ADGRV1: variants seen among roughly 807,000 people sequenced by gnomAD.
The protein encoded by ADGRV1 is adhesion G protein-coupled receptor V1, also known as G-protein coupled receptor 98.
In ADGRV1, 359 loss-of-function variants were observed where a neutral mutation model predicts 596.2. That is an observed-to-expected ratio of 0.60 (90% CI 0.55 to 0.66). ADGRV1 has a LOEUF of 0.66. ADGRV1 is among the 30% of genes least tolerant of loss of function. The pLI is 0.00. For missense variants in ADGRV1, 7,274 were observed against 7,575.6 expected (o/e 0.96, Z 1.48); for synonymous variants, 2,681 against 2,679.2 (o/e 1.00, Z -0.02).
At chr5:90,760,920 C>G (rs1055909841) in intron 58 of ADGRV1, among the ~76,000 whole-genome samples, 1 of 152,174 alleles carries the variant, frequency 6.6e-6, no homozygotes, top group East Asian at 1.9e-4. Context: ...ATAACTATGA[C>G]ATAATATTAT....
chr5:90,598,179 C>T (rs1331941695), intron 1 of ADGRV1, among the ~76,000 whole-genome samples: 1 of 152,172 alleles, frequency 6.6e-6, no homozygotes, highest in Non-Finnish European at 1.5e-5. Context: ...TGATTTTCGT[C>T]ATGTTTACTG....
chr5:90,714,215 A>G (rs574169179), intron 42 of ADGRV1, among the ~76,000 whole-genome samples: 3 of 151,190 alleles, frequency 2.0e-5, no homozygotes, highest in African/African-American at 7.3e-5. Flanking sequence ...TGGTTGTATT[A>G]TACATTATTG....
intron 83 of ADGRV1, among the ~76,000 whole-genome samples, chr5:90,880,181 C>A (rs914924292): frequency 1.3e-5 from 2 of 152,104 alleles, no homozygotes; most frequent in African/African-American, 4.8e-5. Flanking sequence ...AAACTTAAAT[C>A]TGCTCATGAT....
At chr5:91,161,399 C>A (rs1040114216) in intron 89 of ADGRV1, among the ~76,000 whole-genome samples, 3 of 152,036 alleles carry the variant, frequency 2.0e-5, no homozygotes, top group African/African-American at 7.2e-5. Flanking sequence ...CAGAGACAAA[C>A]TGAAGGACTG....
intron 66 of ADGRV1, 119 bp downstream of exon 66, chr5:90,783,444 A>AGG (rs1414151998): frequency 1.3e-6 from 1 of 746,232 alleles, no homozygotes; most frequent in Admixed American, 2.2e-5. Flanking sequence ...GGAAAACAAC[A>AGG]GGTGAAATAC....
chr5:90,944,796 G>A (rs1314078884), intron 83 of ADGRV1, among the ~76,000 whole-genome samples: 6 of 152,156 alleles, frequency 3.9e-5, no homozygotes, highest in Non-Finnish European at 7.4e-5. Flanking sequence ...ACTTTTCACA[G>A]TACAGTGTTG....
chr5:90,599,777 A>G (rs1761176209), intron 1 of ADGRV1, among the ~76,000 whole-genome samples: 1 of 152,210 alleles, frequency 6.6e-6, no homozygotes. Flanking sequence ...GAGAAATAAT[A>G]CTGTAAAGTC....
intron 84 of ADGRV1, among the ~76,000 whole-genome samples, chr5:90,967,080 C>G (rs1301096857): frequency 6.6e-6 from 1 of 152,026 alleles, no homozygotes; most frequent in Non-Finnish European, 1.5e-5. Context: ...CACACAGGCT[C>G]AAGGAAGGGT....
At chr5:91,112,874 T>C (rs997971226) in intron 87 of ADGRV1, among the ~76,000 whole-genome samples, 1 of 152,158 alleles carries the variant, frequency 6.6e-6, no homozygotes, top group Non-Finnish European at 1.5e-5. Context: ...TGTAAAAATA[T>C]ATGTGTATAA....
chr5:90,896,403 T>C lies in ADGRV1; in HGVS notation c.17856+32546T>C, dbSNP rs1208416906. 2.7e-5 allele frequency among the ~76,000 whole-genome samples: 4 copies of C among 149,692 alleles called. No individual in the cohort carries two copies. The South Asian group carries it at 8.6e-4, about 32-fold the overall frequency. ...CTCCCACCTCAGCCTCCCAAGTAGGTGGGACTACAGGCATTTTCCACCATG... is the reference window on the plus strand; with the variant it reads ...CTCCCACCTCAGCCTCCCAAGTAGGCGGGACTACAGGCATTTTCCACCATG... On this transcript the variant is annotated intron_variant, in intron 83 of 89. Transcript: ENST00000405460.
chr5:90,660,916 T>A (rs534296134), intron 21 of ADGRV1, among the ~76,000 whole-genome samples: 2 of 152,272 alleles, frequency 1.3e-5, no homozygotes, highest in African/African-American at 4.8e-5. Context: ...ATTCTGTGAT[T>A]TGTTTTCTAC....
In ADGRV1 at chr5:90,778,500, T is replaced by C; in HGVS notation, c.12740T>C (p.Val4247Ala). 6.2e-7 allele frequency: 1 copy of C among 1,612,154 alleles called. No individual in the cohort carries two copies. The highest frequency in any genetic ancestry group is 8.5e-7 in the Non-Finnish European group (1 of 1,179,218). Residue 4247 changes from valine (V) to alanine (A), a missense_variant, in exon 63 of 90, where the codon GTT (valine) becomes GCT (alanine). By Grantham distance (64) the Val-to-Ala change is moderately conservative. Coordinates refer to ENST00000405460, the MANE Select transcript of ADGRV1 (RefSeq NM_032119.4). ...FQLTAVSEGG[V>A]LSESSSTANI... Reference sequence around the variant, plus strand: ...CTCACTGCAGTCAGTGAGGGAGGAGTTCTGAGTGAATCCAGCAGCACTGCC... The same window carrying C: ...CTCACTGCAGTCAGTGAGGGAGGAGCTCTGAGTGAATCCAGCAGCACTGCC...
intron 85 of ADGRV1, among the ~76,000 whole-genome samples, chr5:91,057,951 G>A (rs1243246885): frequency 6.6e-6 from 1 of 152,182 alleles, no homozygotes; most frequent in African/African-American, 2.4e-5. Context: ...AGCATGTTTA[G>A]TGTGATGTTC....
Position 90,721,079 on chromosome 5 carries a change from A to G in ADGRV1, c.9748+20A>G, listed in dbSNP as rs2149772226. On this transcript the variant is annotated intron_variant, in intron 45 of 89. Transcript: ENST00000405460. Reference sequence around the variant, plus strand: ...GCATGAGTATGTTTCATTTCTTATGAGAACAAAATTCTGTAACGAAAAAAT... The same window carrying G: ...GCATGAGTATGTTTCATTTCTTATGGGAACAAAATTCTGTAACGAAAAAAT... The G allele has an allele frequency of 6.2e-7, 1 of 1,602,768 alleles. No individual in the cohort carries two copies. The highest frequency in any genetic ancestry group is 1.7e-5 in the Admixed American group (1 of 58,688).
chr5:91,138,364 T>G (rs1200909526), intron 87 of ADGRV1, among the ~76,000 whole-genome samples: 1 of 152,240 alleles, frequency 6.6e-6, no homozygotes, highest in Admixed American at 6.5e-5. Flanking sequence ...TCTTTCTTTC[T>G]TGTTTCTCCT....
intron 10 of ADGRV1, among the ~76,000 whole-genome samples, chr5:90,636,121 C>T (rs1766169830): frequency 6.6e-6 from 1 of 151,962 alleles, no homozygotes; most frequent in Non-Finnish European, 1.5e-5. Flanking sequence ...TATAGACATA[C>T]AAAACGTTCA....
intron 32 of ADGRV1, among the ~76,000 whole-genome samples, chr5:90,692,987 A>G (rs1014140751): frequency 6.6e-6 from 1 of 152,166 alleles, no homozygotes; most frequent in Non-Finnish European, 1.5e-5. Context: ...TTGTTAGTGA[A>G]ATGGGTAATA....
Position 90,763,356 on chromosome 5 carries a change from T to A in ADGRV1, c.12172T>A (p.Leu4058Met), listed in dbSNP as rs1756720539. ...SSDDPDSYVT[L>M]TVVRSPGGKG... ...CGATGACCCTGATTCATATGTGACA[T>A]TGACGGTTGTCCGGTCCCCAGGAGG... The change falls in exon 59 of 90, where the codon TTG (leucine) becomes ATG (methionine). Residue 4058 changes from leucine (L) to methionine (M), a missense_variant. By Grantham distance (15) the Leu-to-Met change is conservative. Around this residue, in one of 5 missense-constraint regions of ADGRV1, gnomAD observed 3,643 missense variants for 3,809.2 expected, o/e 0.96. Transcript: ENST00000405460. The A allele has an allele frequency of 1.2e-6, 2 of 1,612,546 alleles. No homozygotes were observed. Among genetic ancestry groups the A allele is most frequent in the East Asian group, 4.5e-5 (2 of 44,804 alleles).
intron 1 of ADGRV1, among the ~76,000 whole-genome samples, chr5:90,560,911 G>C (rs1373151511): frequency 6.6e-6 from 1 of 152,128 alleles, no homozygotes; most frequent in East Asian, 1.9e-4. Context: ...TATGTCAGAT[G>C]TCTTTCTACT....
Sources: gnomAD v4.1 joint callset for allele counts (sites outside exome capture counted in the v4.1 genomes callset) on GRCh38, gnomAD v4.1.1 for gene constraint, gnomAD v4.1.1 regional missense constraint, MANE v1.5 for transcripts, NCBI Gene and HGNC (gene_info 2026-07-23, HGNC 2026-07-21) for gene names.